Variants in PPP2R5E observed in about 807,000 individuals in gnomAD.
The protein encoded by PPP2R5E is serine/threonine-protein phosphatase 2A 56 kDa regulatory subunit epsilon isoform.
Under a neutral mutation model 65.3 loss-of-function variants are expected in PPP2R5E, and 4 were observed. The ratio of observed to expected loss-of-function variants is 0.06; its 90% CI spans 0.03 to 0.14. The LOEUF is 0.14. PPP2R5E is among the 10% of genes least tolerant of loss of function. The pLI is 1.00. For missense variants in PPP2R5E, 274 were observed against 556.1 expected, an observed-to-expected ratio of 0.49 and a Z score of 5.10; for synonymous variants, 183 against 187.4, an observed-to-expected ratio of 0.98 and a Z score of 0.19.
chr14:63,433,103 T>C (rs192561171), intron 3 of PPP2R5E, among the ~76,000 whole-genome samples: 1 of 148,054 alleles, frequency 6.8e-6, no homozygotes, highest in East Asian at 2.0e-4. Flanking sequence ...AGTGGTGCGA[T>C]TACAGCTCAC....
chr14:63,418,082 T>C (rs1339962792), intron 4 of PPP2R5E, among the ~76,000 whole-genome samples: 2 of 152,240 alleles, frequency 1.3e-5, no homozygotes, highest in South Asian at 2.1e-4. Flanking sequence ...GAAAAATTTC[T>C]TTCCTAATGA....
intron 11 of PPP2R5E, among the ~76,000 whole-genome samples, chr14:63,385,626 G>C (rs149052780): frequency 3.3e-4 from 50 of 152,206 alleles, no homozygotes; most frequent in African/African-American, 8.9e-4. Context: ...CCTCCTATGG[G>C]CAGGCACTGT....
intron 5 of PPP2R5E, among the ~76,000 whole-genome samples, chr14:63,407,168 A>T (rs930181893): frequency 2.0e-5 from 3 of 152,226 alleles, no homozygotes; most frequent in African/African-American, 7.2e-5. Context: ...GAGGAAACTG[A>T]GGCACACAGT....
chr14:63,390,295 GACACACACACACACACACAC>G (rs59239063), intron 10 of PPP2R5E, among the ~76,000 whole-genome samples: 3 of 140,094 alleles, frequency 2.1e-5, no homozygotes, highest in African/African-American at 5.2e-5. Context: ...ACGCATTCTC[GACACACACACACACACACAC>G]ACACACACAC....
intron 2 of PPP2R5E, among the ~76,000 whole-genome samples, chr14:63,524,669 C>T (rs998331453): frequency 2.0e-5 from 3 of 152,184 alleles, no homozygotes; most frequent in Non-Finnish European, 4.4e-5. Flanking sequence ...GACTGACATG[C>T]CTTCACCAGG....
intron 4 of PPP2R5E, among the ~76,000 whole-genome samples, chr14:63,415,439 ACAAAG>A (rs1274785776): frequency 7.2e-5 from 11 of 152,158 alleles, no homozygotes; most frequent in East Asian, 1.9e-4. Context: ...ATACAACTAA[ACAAAG>A]CAAAGAAAAA....
intron 2 of PPP2R5E, among the ~76,000 whole-genome samples, chr14:63,465,060 A>G (rs1889715360): frequency 6.6e-6 from 1 of 151,832 alleles, no homozygotes; most frequent in Non-Finnish European, 1.5e-5. Context: ...GAAAAGAAAA[A>G]GAAAATGTAC....
At chr14:63,539,456 AC>A (rs200821031) in intron 2 of PPP2R5E, 72 bp downstream of exon 2, 24,014 of 1,493,772 alleles carry the variant, frequency 0.016, 262 homozygotes, top group Non-Finnish European at 0.018. Flanking sequence ...ATAAAACTCT[AC>A]AAAAAGGAAA....
At chr14:63,506,499 T>C (rs1216312819) in intron 2 of PPP2R5E, among the ~76,000 whole-genome samples, 1 of 151,938 alleles carries the variant, frequency 6.6e-6, no homozygotes, top group Non-Finnish European at 1.5e-5. Flanking sequence ...AATCCAAAAG[T>C]AGGCAAAGGA....
intron 4 of PPP2R5E, among the ~76,000 whole-genome samples, chr14:63,416,982 C>T (rs1430058608): frequency 6.6e-6 from 1 of 152,176 alleles, no homozygotes; most frequent in Non-Finnish European, 1.5e-5. Context: ...TTTGATGCTA[C>T]ACTAAATTCA....
intron 10 of PPP2R5E, among the ~76,000 whole-genome samples, chr14:63,390,902 A>C (rs927753501): frequency 6.6e-6 from 1 of 152,218 alleles, no homozygotes; most frequent in Non-Finnish European, 1.5e-5. Context: ...GCACTACCCC[A>C]TAACAACCTC....
intron 2 of PPP2R5E, among the ~76,000 whole-genome samples, chr14:63,518,236 T>C: frequency 6.6e-6 from 1 of 152,018 alleles, no homozygotes; most frequent in Non-Finnish European, 1.5e-5. Flanking sequence ...CCAACATTCC[T>C]GGCCCAGATT....
intron 1 of PPP2R5E, among the ~76,000 whole-genome samples, chr14:63,541,289 C>G (rs1399814818): frequency 6.6e-6 from 1 of 152,178 alleles, no homozygotes; most frequent in African/African-American, 2.4e-5. Flanking sequence ...ATGAGAAAAT[C>G]AAGCACCAAA....
At chr14:63,412,323 A>G (rs972607079) in intron 5 of PPP2R5E, among the ~76,000 whole-genome samples, 6 of 152,256 alleles carry the variant, frequency 3.9e-5, no homozygotes, top group African/African-American at 1.4e-4. Flanking sequence ...AGAAAGCTCA[A>G]TTAGAAGCCA....
chr14:63,420,057 GTT>G (rs34980330), intron 4 of PPP2R5E, among the ~76,000 whole-genome samples: 439 of 152,246 alleles, frequency 2.9e-3, no homozygotes, highest in Non-Finnish European at 5.4e-3. Context: ...ATGAGTAAAA[GTT>G]TATTGTACTT....
intron 2 of PPP2R5E, among the ~76,000 whole-genome samples, chr14:63,502,274 G>A (rs554520507): frequency 7.2e-5 from 11 of 152,050 alleles, no homozygotes; most frequent in African/African-American, 2.7e-4. Flanking sequence ...GGTGCTGCCC[G>A]GCCTCCTGAC....
intron 2 of PPP2R5E, among the ~76,000 whole-genome samples, chr14:63,483,822 C>A (rs1479695403): frequency 1.3e-5 from 2 of 152,086 alleles, no homozygotes; most frequent in Non-Finnish European, 2.9e-5. Context: ...TGGTGGTTCA[C>A]ACCTGTAATC....
chr14:63,536,388 G>A (rs1158153879), intron 2 of PPP2R5E, among the ~76,000 whole-genome samples: 1 of 152,132 alleles, frequency 6.6e-6, no homozygotes, highest in African/African-American at 2.4e-5. Flanking sequence ...CAGAAAATGA[G>A]TGATGGTGAG....
intron 5 of PPP2R5E, among the ~76,000 whole-genome samples, chr14:63,406,550 G>T (rs1017484615): frequency 2.0e-5 from 3 of 152,184 alleles, no homozygotes; most frequent in Non-Finnish European, 4.4e-5. Context: ...CCGTTACTGG[G>T]AGCGGATTGG....
Sources: allele counts gnomAD v4.1 joint callset (sites outside exome capture counted in the v4.1 genomes callset), GRCh38; gene constraint gnomAD v4.1.1; transcripts MANE v1.5; gene names NCBI Gene and HGNC (gene_info 2026-07-23, HGNC 2026-07-21).